The following UBE2O variants were observed in gnomAD, a reference collection of about 807,000 sequenced individuals.
UBE2O encodes the protein ubiquitin conjugating enzyme E2 O.
UBE2O carries 15 observed loss-of-function variants against 125.8 expected under a neutral mutation model. That is an observed-to-expected ratio of 0.12 (90% CI 0.08 to 0.18). The LOEUF is 0.18. UBE2O is among the 10% of genes least tolerant of loss of function. UBE2O has a pLI of 1.00. For missense variants in UBE2O, 1,280 were observed against 1,723.6 expected, an observed-to-expected ratio of 0.74 and a Z score of 4.56; for synonymous variants, 708 against 703.2, an observed-to-expected ratio of 1.01 and a Z score of -0.11.
Position 76,399,294 on chromosome 17 carries a change from C to T in UBE2O, c.1628+155G>A. On this transcript the variant is annotated intron_variant, in intron 9 of 17. Transcript: ENST00000319380. The surrounding 1 kb of genome is among the most constrained non-coding windows in gnomAD (Gnocchi z 6.9). ...AGTCTCTGCTTTCCACCAGGGCCTACCCCAGGCACCTACGTTGTCTCGGGT... is the reference window on the plus strand; with the variant it reads ...AGTCTCTGCTTTCCACCAGGGCCTATCCCAGGCACCTACGTTGTCTCGGGT... 1 of 822,108 alleles carries T rather than the reference C, an allele frequency of 1.2e-6. No individual in the cohort carries two copies. Among genetic ancestry groups the T allele is most frequent in the Non-Finnish European group, 1.9e-6 (1 of 524,502 alleles). The allele number at this position is 822,108 out of a possible 1,614,324, so 50.9% of individuals were successfully genotyped here. A position where few individuals can be genotyped will look rare whatever the true frequency, so the allele number is the denominator to read the frequency against.
In UBE2O at chr17:76,395,155, C is replaced by T. The variant is rs547490181; in HGVS notation, c.2946+570G>A. The stretch of plus-strand genomic sequence containing the variant: ...CTTCCCGAAGTGCTGGGATTACAGT[C>T]GTGAGCCACCGCACCCGGCCTATTT... On this transcript the variant is annotated intron_variant, in intron 15 of 17. Coordinates refer to ENST00000319380, the MANE Select transcript of UBE2O (RefSeq NM_022066.4). The surrounding 1 kb of genome is among the most constrained non-coding windows in gnomAD (Gnocchi z 5.0). 1.3e-4 allele frequency among the ~76,000 whole-genome samples: 20 copies of T among 151,150 alleles called. No individual in the cohort carries two copies. Among genetic ancestry groups the T allele is most frequent in the African/African-American group, 4.6e-4 (19 of 41,102 alleles).
intron 1 of UBE2O, among the ~76,000 whole-genome samples, chr17:76,407,700 G>A (rs2072448947): frequency 6.6e-6 from 1 of 152,226 alleles, no homozygotes; most frequent in Admixed American, 6.5e-5. Context: ...TGAGGCTGAA[G>A]CAGAAAAAAA....
chr17:76,424,278 G>C (rs2072765370), intron 1 of UBE2O, among the ~76,000 whole-genome samples: 1 of 137,690 alleles, frequency 7.3e-6, no homozygotes, highest in Admixed American at 8.2e-5. Flanking sequence ...GCACAACCTA[G>C]GCTCACTGCA....
rs759625121 is a variant in UBE2O, at chr17:76,398,919, G to A, written c.1701C>T (p.Asn567=). The A allele has an allele frequency of 4.0e-5, 64 of 1,614,176 alleles. No homozygotes were observed. The East Asian group carries it at 1.4e-3, about 34-fold the overall frequency. The change falls in exon 10 of 18, where the codon AAC becomes AAT. Residue 567 remains asparagine, a synonymous_variant. Transcript: ENST00000319380. This position sits in a 1 kb window ranked among gnomAD's most constrained non-coding sequence, Gnocchi z 5.4. ...CAGGGAAGAGGTCGTTGGAGCGGAT[G>A]TTGCATTCCACGGAGCCATCCTGCC... ...VMWQDGSVEC[N]IRSNDLFPVH...
At chr17:76,446,936 C>T (rs1367654239) in intron 1 of UBE2O, among the ~76,000 whole-genome samples, 1 of 152,206 alleles carries the variant, frequency 6.6e-6, no homozygotes, top group Non-Finnish European at 1.5e-5. Context: ...ACTGAGGGGT[C>T]AGGGAATGAA....
At chr17:76,432,957 C>A (rs1338247441) in intron 1 of UBE2O, among the ~76,000 whole-genome samples, 1 of 152,112 alleles carries the variant, frequency 6.6e-6, no homozygotes, top group African/African-American at 2.4e-5. Flanking sequence ...TGTGGAGAAA[C>A]TGGAACCCAC....
At position 76,391,013 on chromosome 17, in the gene UBE2O, C is replaced by G; in HGVS notation, c.3809G>C (p.Arg1270Pro). ...AGCCCGGAACTGCGTCAGGACACCC[C>G]GGATGCTCTTGATGAAACCCTTGGA... Reference protein sequence around the residue: ...PLSKGFIKSIRGVLTQFRAAL... With the variant: ...PLSKGFIKSIPGVLTQFRAAL... The change falls in exon 18 of 18, where the codon CGG (arginine) becomes CCG (proline). Residue 1270 changes from arginine to proline, a missense_variant. Physicochemically the swap from Arg to Pro is moderately radical, Grantham distance 103. This residue lies in a region of UBE2O where 233 missense variants were observed against 279.0 expected (regional missense o/e 0.84). Coordinates refer to ENST00000319380, the MANE Select transcript of UBE2O (RefSeq NM_022066.4). The surrounding 1 kb of genome is among the most constrained non-coding windows in gnomAD (Gnocchi z 8.4). The G allele has an allele frequency of 1.2e-6, 2 of 1,613,828 alleles. No homozygotes were observed. The highest frequency in any genetic ancestry group is 1.7e-6 in the Non-Finnish European group (2 of 1,179,984).
In UBE2O at chr17:76,401,008, C is replaced by T; in HGVS notation, c.894+3G>A. On this transcript the variant is annotated splice_donor_region_variant and intron_variant, in intron 6 of 17. Transcript: ENST00000319380. ...CATCTCCTACCCTTGGGCCCGGACC[C>T]ACCTCTTCCACCACCACTCGGAACT... 1 of 1,613,698 alleles carries T rather than the reference C, an allele frequency of 6.2e-7. No individual in the cohort carries two copies.
chr17:76,443,413 C>T (rs1427746589), intron 1 of UBE2O, among the ~76,000 whole-genome samples: 1 of 152,082 alleles, frequency 6.6e-6, no homozygotes, highest in East Asian at 1.9e-4. Flanking sequence ...CCTAGCCTCC[C>T]GAGTAGCTGG....
intron 1 of UBE2O, among the ~76,000 whole-genome samples, chr17:76,449,529 C>T (rs1365741263): frequency 2.0e-5 from 3 of 151,816 alleles, no homozygotes; most frequent in Non-Finnish European, 2.9e-5. Flanking sequence ...GAGCTGAGAT[C>T]GTGCCACTGC....
chr17:76,395,811 ACTT>A lies in UBE2O; in HGVS notation c.2857_2859del (p.Lys953del). 1 of 1,614,228 alleles carries A rather than the reference ACTT, an allele frequency of 6.2e-7. No individual in the cohort carries two copies. Among genetic ancestry groups the A allele is most frequent in the Non-Finnish European group, 8.5e-7 (1 of 1,180,036 alleles). On this transcript the variant is annotated inframe_deletion, in exon 15 of 18. Coordinates refer to ENST00000319380, the MANE Select transcript of UBE2O (RefSeq NM_022066.4). The surrounding 1 kb of genome is among the most constrained non-coding windows in gnomAD (Gnocchi z 5.0). Reference sequence around the variant, plus strand: ...ATCTCCTTCCGCACTGTGCTGAAGAACTTCTTGGCTTCTGGAGGCTGGAACTCA... The same window carrying A: ...ATCTCCTTCCGCACTGTGCTGAAGAACTTGGCTTCTGGAGGCTGGAACTCA...
At position 76,391,903 on chromosome 17, in the gene UBE2O, T is replaced by C. The variant is rs879707430; in HGVS notation, c.3150+7A>G. 6.2e-7 allele frequency: 1 copy of C among 1,613,548 alleles called. No individual in the cohort carries two copies. The highest frequency in any genetic ancestry group is 8.5e-7 in the Non-Finnish European group (1 of 1,179,786). ...CTTCTTGGCTGGGGGCCTGGCCCTA[T>C]ACTCACCTTTCCAATCCAGGTGCCC... On this transcript the variant is annotated splice_region_variant and intron_variant, in intron 16 of 17. Transcript: ENST00000319380. This position sits in a 1 kb window ranked among gnomAD's most constrained non-coding sequence, Gnocchi z 8.4.
At chr17:76,439,085 A>G (rs1236362236) in intron 1 of UBE2O, among the ~76,000 whole-genome samples, 2 of 152,300 alleles carry the variant, frequency 1.3e-5, no homozygotes, top group Non-Finnish European at 2.9e-5. Context: ...CACACACAGC[A>G]AGCATGACAC....
rs550397726 is a variant in UBE2O, at chr17:76,450,121, A to G, written c.417+2604T>C. Among the ~76,000 whole-genome samples, 14 of 152,204 alleles carry G rather than the reference A, an allele frequency of 9.2e-5. No homozygotes were observed. The East Asian group carries it at 2.3e-3, about 25-fold the overall frequency. ...AATCTGCCACTACATTATTTTGTCA[A>G]TAATTGGGTTCTCAAATCTCATAAC... On this transcript the variant is annotated intron_variant, in intron 1 of 17. Coordinates refer to ENST00000319380, the MANE Select transcript of UBE2O (RefSeq NM_022066.4).
intron 1 of UBE2O, among the ~76,000 whole-genome samples, chr17:76,439,550 C>T (rs1459009134): frequency 6.6e-6 from 1 of 152,186 alleles, no homozygotes; most frequent in Non-Finnish European, 1.5e-5. Context: ...TATGCCCAGG[C>T]ATTCTTGGTT....
At position 76,395,887 on chromosome 17, in the gene UBE2O, T is replaced by TC; in HGVS notation, c.2810-27dup. ...CTAGAGGGGGGAAGAGAATAGTCAG[T>TC]CCCTCATGGAGAGGCCCTGGAGCTC... is the stretch of plus-strand genomic sequence containing the variant. On this transcript the variant is annotated intron_variant, in intron 14 of 17. Coordinates refer to ENST00000319380, the MANE Select transcript of UBE2O (RefSeq NM_022066.4). The surrounding 1 kb of genome is among the most constrained non-coding windows in gnomAD (Gnocchi z 5.0). 3.7e-6 allele frequency: 6 copies of TC among 1,613,730 alleles called. No homozygotes were observed. Among genetic ancestry groups the TC allele is most frequent in the Non-Finnish European group, 4.2e-6 (5 of 1,180,014 alleles).
At chr17:76,415,906 T>C (rs1313756564) in intron 1 of UBE2O, among the ~76,000 whole-genome samples, 2 of 149,970 alleles carry the variant, frequency 1.3e-5, no homozygotes. Flanking sequence ...TATATACAAA[T>C]ATATACACAT....
chr17:76,444,089 C>T (rs945806961), intron 1 of UBE2O, among the ~76,000 whole-genome samples: 2 of 151,900 alleles, frequency 1.3e-5, no homozygotes, highest in Admixed American at 6.6e-5. Flanking sequence ...GACGTGGTGG[C>T]GGGAGCCTGT....
chr17:76,399,248 C>T lies in UBE2O; in HGVS notation c.1628+201G>A, dbSNP rs539307099. 6.9e-5 allele frequency: 49 copies of T among 706,942 alleles called. No individual in the cohort carries two copies. In the African/African-American group the frequency reaches 7.2e-4, roughly 10 times the overall value. The allele number at this position is 706,942 out of a possible 1,614,324, so 43.8% of individuals were successfully genotyped here. Reference sequence around the variant, plus strand: ...GGCCAAGCTTAAGGCCACCACCATCCCACCCTCTGCACCACTCCTCAGTCT... The same window carrying T: ...GGCCAAGCTTAAGGCCACCACCATCTCACCCTCTGCACCACTCCTCAGTCT... On this transcript the variant is annotated intron_variant, in intron 9 of 17. Transcript: ENST00000319380. The surrounding 1 kb of genome is among the most constrained non-coding windows in gnomAD (Gnocchi z 6.9).
Sources: gnomAD v4.1 joint callset for allele counts (sites outside exome capture counted in the v4.1 genomes callset) on GRCh38, gnomAD v4.1.1 for gene constraint, gnomAD v4.1.1 regional missense constraint, Gnocchi (gnomAD v3.1) non-coding constraint, MANE v1.5 for transcripts, NCBI Gene and HGNC (gene_info 2026-07-23, HGNC 2026-07-21) for gene names.